Variants in YEATS2 observed in about 807,000 individuals in gnomAD.
The protein encoded by YEATS2 is YEATS domain-containing protein 2.
Under a neutral mutation model 163.2 loss-of-function variants are expected in YEATS2, and 77 were observed. The observed-to-expected ratio is 0.47, with a 90% CI of 0.39 to 0.57. The LOEUF is 0.57. Ranked by LOEUF, YEATS2 falls within the 20% of genes least tolerant of loss-of-function variation. The pLI, the probability that YEATS2 is intolerant of heterozygous loss-of-function variation, is 0.00. For missense variants in YEATS2, 1,549 were observed against 1,729.8 expected (o/e 0.90, Z 1.85); for synonymous variants, 631 against 645.1 (o/e 0.98, Z 0.33).
chr3:183,810,073 G>A (rs866891425), intron 30 of YEATS2: 1 of 186,530 alleles, frequency 5.4e-6, no homozygotes, highest in Non-Finnish European at 1.1e-5. Context: ...TTGATGGAAC[G>A]ATTAACATCA....
At chr3:183,773,563 G>A in intron 16 of YEATS2, 70 bp from the exon 17 acceptor site, 1 of 1,423,172 alleles carries the variant, frequency 7.0e-7, no homozygotes, top group Non-Finnish European at 9.4e-7. Flanking sequence ...TTATTGCCTT[G>A]TATTTTAATT....
chr3:183,712,204 T>TTTATG (rs1560220698), intron 1 of YEATS2, among the ~76,000 whole-genome samples: 17 of 104,266 alleles, frequency 1.6e-4, no homozygotes, highest in African/African-American at 6.0e-4. Context: ...TTTATTTTAT[T>TTTATG]TTATTTTATT....
chr3:183,725,041 C>CTTTT (rs62826962), intron 6 of YEATS2, among the ~76,000 whole-genome samples: 4 of 87,498 alleles, frequency 4.6e-5, no homozygotes, highest in Admixed American at 2.9e-4. Flanking sequence ...CCGTGCCGGC[C>CTTTT]TTTTTTTTTT....
intron 13 of YEATS2, among the ~76,000 whole-genome samples, chr3:183,759,348 A>G (rs1721106376): frequency 2.0e-5 from 3 of 152,216 alleles, no homozygotes; most frequent in Admixed American, 1.3e-4. Context: ...AATGCTTCAC[A>G]ACACTTGTGT....
intron 11 of YEATS2, 28 bp downstream of exon 11, chr3:183,754,393 T>C: frequency 6.3e-7 from 1 of 1,580,264 alleles, no homozygotes; most frequent in Non-Finnish European, 8.6e-7. Flanking sequence ...AGACAGTGTA[T>C]GTGGAGTTGA....
Position 183,747,660 on chromosome 3 carries a change from G to T in YEATS2, c.925-12G>T, listed in dbSNP as rs776407256. On this transcript the variant is annotated splice_polypyrimidine_tract_variant and intron_variant, in intron 8 of 30. Transcript: ENST00000305135. ...AGTGAAATTTAACACTCTCCCTTTT[G>T]TCTTTCCATAGCTGGATAGAACTTA... 5 of 1,610,090 alleles carry T rather than the reference G, an allele frequency of 3.1e-6. No individual in the cohort carries two copies. The highest frequency in any genetic ancestry group is 4.2e-6 in the Non-Finnish European group (5 of 1,177,168).
At chr3:183,738,138 A>C (rs1023452900) in intron 8 of YEATS2, among the ~76,000 whole-genome samples, 30 of 152,294 alleles carry the variant, frequency 2.0e-4, no homozygotes, top group Admixed American at 1.6e-3. Flanking sequence ...TCCAGCAACC[A>C]GTCATTCCCC....
intron 15 of YEATS2, among the ~76,000 whole-genome samples, chr3:183,763,448 G>A (rs984576401): frequency 2.0e-5 from 3 of 152,170 alleles, no homozygotes; most frequent in Non-Finnish European, 4.4e-5. Flanking sequence ...CGTTAATGTG[G>A]TAGATGACTA....
Position 183,697,808 on chromosome 3 carries a change from C to G in YEATS2, c.-205C>G, listed in dbSNP as rs1290606391. The G allele has an allele frequency of 6.7e-6, 1 of 149,666 alleles. No homozygotes were observed. Among genetic ancestry groups the G allele is most frequent in the African/African-American group, 2.4e-5 (1 of 41,144 alleles). 9.3% of individuals were successfully genotyped at this position (149,666 alleles called of 1,614,324 possible). ...GCCGCGCGCGCCCCGACGCGCCCAG[C>G]TGCTGACGTGCGGGGCGGAACGCGC... On this transcript the variant is annotated 5_prime_UTR_variant, in exon 1 of 31. Transcript: ENST00000305135.
rs1176974770 is a variant in YEATS2, at chr3:183,796,148, ATT to A, written c.3098-1755_3098-1754del. ...CAGGCACCTGCCACCATGCCCGGCT[ATT>A]TTTTTTTTTTTTTTTTTTTGTATTT... On this transcript the variant is annotated intron_variant, in intron 21 of 30. Coordinates refer to ENST00000305135, the MANE Select transcript of YEATS2 (RefSeq NM_018023.5). 8.2e-4 allele frequency among the ~76,000 whole-genome samples: 79 copies of A among 96,052 alleles called. 1 individual carries two copies. Among genetic ancestry groups the A allele is most frequent in the African/African-American group, 3.0e-3 (70 of 23,310 alleles). 63.0% of individuals were successfully genotyped at this position (96,052 alleles called of 152,430 possible). A position where few individuals can be genotyped will look rare whatever the true frequency, so the allele number is the denominator to read the frequency against.
intron 7 of YEATS2, among the ~76,000 whole-genome samples, chr3:183,729,670 C>G (rs936628183): frequency 1.1e-5 from 1 of 93,916 alleles, no homozygotes; most frequent in Non-Finnish European, 2.0e-5. Context: ...TAGGTGTGTT[C>G]TTTACATTTT....
At chr3:183,796,991 A>G (rs1421411387) in intron 21 of YEATS2, among the ~76,000 whole-genome samples, 15 of 152,114 alleles carry the variant, frequency 9.9e-5, no homozygotes, top group African/African-American at 3.6e-4. Flanking sequence ...AGTGCTGGCC[A>G]GGCGCGGTAG....
intron 13 of YEATS2, among the ~76,000 whole-genome samples, chr3:183,759,755 A>G (rs532172777): frequency 6.6e-6 from 1 of 152,314 alleles, no homozygotes; most frequent in South Asian, 2.1e-4. Context: ...CTGGGGTTAT[A>G]TTCAGATAAA....
chr3:183,747,761 A>C, intron 9 of YEATS2, 45 bp downstream of exon 9: 1 of 1,569,318 alleles, frequency 6.4e-7, no homozygotes, highest in African/African-American at 1.4e-5. Context: ...AGTAGGATGA[A>C]AATTGATCTT....
chr3:183,760,313 ATTTTTTTTTT>A (rs11417378), intron 13 of YEATS2, among the ~76,000 whole-genome samples: 1 of 110,314 alleles, frequency 9.1e-6, no homozygotes, highest in African/African-American at 3.6e-5. Context: ...AAACTACAGA[ATTTTTTTTTT>A]TTTTTTTTTT....
intron 8 of YEATS2, among the ~76,000 whole-genome samples, chr3:183,743,175 CTG>C (rs1312520751): frequency 6.6e-6 from 1 of 152,040 alleles, no homozygotes; most frequent in African/African-American, 2.4e-5. Flanking sequence ...TTGTATAAAA[CTG>C]TATGTACATG....
At position 183,697,824 on chromosome 3, in the gene YEATS2, C is replaced by T. The variant is rs1189598452; in HGVS notation, c.-189C>T. 4 of 150,100 alleles carry T rather than the reference C, an allele frequency of 2.7e-5. No individual in the cohort carries two copies. The East Asian group carries it at 5.9e-4, about 22-fold the overall frequency. 9.3% of individuals were successfully genotyped at this position (150,100 alleles called of 1,614,324 possible). ...CGCGCCCAGCTGCTGACGTGCGGGG[C>T]GGAACGCGCCGGGCGGGCTCCACCG... On this transcript the variant is annotated 5_prime_UTR_variant, in exon 1 of 31. Coordinates refer to ENST00000305135, the MANE Select transcript of YEATS2 (RefSeq NM_018023.5).
chr3:183,786,339 C>A lies in YEATS2; in HGVS notation c.2913+38C>A, dbSNP rs145345840. On this transcript the variant is annotated intron_variant, in intron 20 of 30. Transcript: ENST00000305135. Reference sequence around the variant, plus strand: ...ATGTCAGTAGAGAATCCTAATGAGACATGAAAGTGGTGTAGATACAAGGAA... The same window carrying A: ...ATGTCAGTAGAGAATCCTAATGAGAAATGAAAGTGGTGTAGATACAAGGAA... 2.2e-4 allele frequency: 349 copies of A among 1,566,240 alleles called. No homozygotes were observed. The African/African-American group carries it at 4.3e-3, about 19-fold the overall frequency.
chr3:183,792,160 G>T (rs1240146784), intron 21 of YEATS2, among the ~76,000 whole-genome samples: 1 of 152,106 alleles, frequency 6.6e-6, no homozygotes, highest in Non-Finnish European at 1.5e-5. Flanking sequence ...TAAGTTCTAG[G>T]ATACATGTGT....
Sources: allele counts gnomAD v4.1 joint callset (sites outside exome capture counted in the v4.1 genomes callset), GRCh38; gene constraint gnomAD v4.1.1; transcripts MANE v1.5; gene names NCBI Gene and HGNC (gene_info 2026-07-23, HGNC 2026-07-21).